Variants in DNAH2 observed in about 807,000 individuals in gnomAD.
The protein encoded by DNAH2 is dynein axonemal heavy chain 2.
In DNAH2, 323 loss-of-function variants were observed where a neutral mutation model predicts 523.5. That is an observed-to-expected ratio of 0.62 (90% CI 0.56 to 0.68). DNAH2 has a LOEUF of 0.68. DNAH2 is among the 30% of genes least tolerant of loss of function. The pLI, the probability that DNAH2 is intolerant of heterozygous loss-of-function variation, is 0.00. For missense variants in DNAH2, 4,907 were observed against 5,701.5 expected, an observed-to-expected ratio of 0.86 and a Z score of 4.49; for synonymous variants, 2,093 against 2,177.4, an observed-to-expected ratio of 0.96 and a Z score of 1.08.
At position 7,798,455 on chromosome 17, in the gene DNAH2, G is replaced by A. The variant is rs537764878; in HGVS notation, c.8399-103G>A. On this transcript the variant is annotated intron_variant, in intron 54 of 85. Coordinates refer to ENST00000572933, the MANE Select transcript of DNAH2 (RefSeq NM_020877.5). The surrounding 1 kb of genome is among the most constrained non-coding windows in gnomAD (Gnocchi z 5.5). ...CGTGTTGGGTGTAGGATGGTGTCGC[G>A]TGTATGCTGCGGGGCGGGGAGGGTT... 46 of 1,548,650 alleles carry A rather than the reference G, an allele frequency of 3.0e-5. No individual in the cohort carries two copies. The highest frequency in any genetic ancestry group is 2.5e-4 in the East Asian group (11 of 43,944).
chr17:7,821,370 G>C lies in DNAH2; in HGVS notation c.11142+1G>C, dbSNP rs1305708924. On this transcript the variant is annotated splice_donor_variant, in intron 73 of 85. Transcript: ENST00000572933. LOFTEE classifies it high-confidence loss of function. This position sits in a 1 kb window ranked among gnomAD's most constrained non-coding sequence, Gnocchi z 5.0. ...CAACTTCTTTCTACGTGGGGGTGTG[G>C]TGAGTTGGGCAGAGAGCACATCCCA... The C allele has an allele frequency of 8.7e-6, 14 of 1,612,426 alleles. No homozygotes were observed. The highest frequency in any genetic ancestry group is 1.2e-5 in the Non-Finnish European group (14 of 1,179,074).
Position 7,786,769 on chromosome 17 carries a change from A to C in DNAH2, c.6466+82A>C. The C allele has an allele frequency of 6.3e-7, 1 of 1,597,802 alleles. No individual in the cohort carries two copies. Among genetic ancestry groups the C allele is most frequent in the Non-Finnish European group, 8.6e-7 (1 of 1,168,350 alleles). ...GGGAGTCTGGGGATAGGAAGTTCCA[A>C]GTTGGGAGAGAAATGCCTGGGGAAT... On this transcript the variant is annotated intron_variant, in intron 41 of 85. Transcript: ENST00000572933. This position sits in a 1 kb window ranked among gnomAD's most constrained non-coding sequence, Gnocchi z 7.5.
rs1451868545 is a variant in DNAH2, at chr17:7,828,107, C to T, written c.11854-2193C>T. On this transcript the variant is annotated intron_variant, in intron 77 of 85. Transcript: ENST00000572933. This position sits in a 1 kb window ranked among gnomAD's most constrained non-coding sequence, Gnocchi z 4.1. Reference sequence around the variant, plus strand: ...TAATTTTTGTGTTTTTTTGTAGAGACTGGATTTCACCATGTTGGCCAGGCT... The same window carrying T: ...TAATTTTTGTGTTTTTTTGTAGAGATTGGATTTCACCATGTTGGCCAGGCT... Among the ~76,000 whole-genome samples the T allele has an allele frequency of 6.6e-6, 1 of 151,930 alleles. No homozygotes were observed. The highest frequency in any genetic ancestry group is 1.5e-5 in the Non-Finnish European group (1 of 68,010).
rs1458119493 is a variant in DNAH2, at chr17:7,799,043, G to T, written c.8560-60G>T. The T allele has an allele frequency of 1.9e-6, 3 of 1,592,228 alleles. No homozygotes were observed. The African/African-American group carries it at 4.0e-5, about 21-fold the overall frequency. On this transcript the variant is annotated intron_variant, in intron 55 of 85. Coordinates refer to ENST00000572933, the MANE Select transcript of DNAH2 (RefSeq NM_020877.5). ...CTTCGTCAGCCCCACCTGACCCGCT[G>T]CCCCCGCTGATTCTGCTATGGACAC...
At chr17:7,774,225 T>C (rs1336042195) in intron 28 of DNAH2, among the ~76,000 whole-genome samples, 1 of 152,134 alleles carries the variant, frequency 6.6e-6, no homozygotes, top group African/African-American at 2.4e-5. Flanking sequence ...GGCACTGCTG[T>C]GATGTCGCAA....
At position 7,817,719 on chromosome 17, in the gene DNAH2, C is replaced by CT. The variant is rs1555572882; in HGVS notation, c.10169+11dup. The CT allele has an allele frequency of 6.2e-7, 1 of 1,614,056 alleles. No homozygotes were observed. The highest frequency in any genetic ancestry group is 1.3e-5 in the African/African-American group (1 of 74,926). ...TCACCCGAGGCAACAGGTGAGGGTG[C>CT]TGCTGGGCGTGGGGGCGGTACGGGA... On this transcript the variant is annotated intron_variant, in intron 66 of 85. Coordinates refer to ENST00000572933, the MANE Select transcript of DNAH2 (RefSeq NM_020877.5).
chr17:7,810,423 C>G (rs1389484111), intron 63 of DNAH2, among the ~76,000 whole-genome samples: 1 of 152,080 alleles, frequency 6.6e-6, no homozygotes, highest in Non-Finnish European at 1.5e-5. Context: ...GAGTCTCGCT[C>G]TATCACCCAG....
chr17:7,771,976 A>G (rs1267428343), intron 28 of DNAH2, among the ~76,000 whole-genome samples: 2 of 152,166 alleles, frequency 1.3e-5, no homozygotes, highest in Non-Finnish European at 2.9e-5. Context: ...TCAGCCTCCC[A>G]AAGTTCTGGG....
chr17:7,776,009 C>G lies in DNAH2; in HGVS notation c.4822-15C>G. Reference sequence around the variant, plus strand: ...CCCTCAGGCTGAGCTGCCCTATTCTCCCACCTCCCCCCAGTCCTGGCTTGG... The same window carrying G: ...CCCTCAGGCTGAGCTGCCCTATTCTGCCACCTCCCCCCAGTCCTGGCTTGG... On this transcript the variant is annotated splice_polypyrimidine_tract_variant and intron_variant, in intron 30 of 85. Transcript: ENST00000572933. 13 of 1,613,474 alleles carry G rather than the reference C, an allele frequency of 8.1e-6. No homozygotes were observed. Among genetic ancestry groups the G allele is most frequent in the Non-Finnish European group, 1.1e-5 (13 of 1,179,532 alleles).
Position 7,824,574 on chromosome 17 carries a change from G to A in DNAH2, c.11700G>A (p.Leu3900=). 6.3e-7 allele frequency: 1 copy of A among 1,592,326 alleles called. No individual in the cohort carries two copies. The highest frequency in any genetic ancestry group is 1.1e-5 in the South Asian group (1 of 89,338). Residue 3900 remains leucine (L), a synonymous_variant, in exon 77 of 86, where the codon CTG becomes CTA. Transcript: ENST00000572933. ...TCCTGGCAAACTGCCACCTGTCACT[G>A]TCTTGGATGCCTAATCTGGACAAGC... ...WVFLANCHLS[L]SWMPNLDKLV...
chr17:7,792,149 G>T (rs916222095), intron 45 of DNAH2, 80 bp downstream of exon 45: 5 of 1,601,832 alleles, frequency 3.1e-6, no homozygotes, highest in Non-Finnish European at 4.3e-6. Context: ...CTCTGCTTGG[G>T]TTTCCCTCTC....
intron 61 of DNAH2, 76 bp downstream of exon 61, chr17:7,805,469 C>T: frequency 1.3e-6 from 2 of 1,594,224 alleles, no homozygotes; most frequent in Non-Finnish European, 8.5e-7. Flanking sequence ...AGCAGACACT[C>T]AGAAAGATAG....
intron 78 of DNAH2, 82 bp from the exon 79 acceptor site, chr17:7,830,576 C>T (rs1435048344): frequency 1.2e-6 from 2 of 1,606,068 alleles, no homozygotes; most frequent in East Asian, 2.2e-5. Flanking sequence ...TATCCGTGGA[C>T]ACAAAGCCTG....
At chr17:7,736,979 T>C in intron 7 of DNAH2, 88 bp from the exon 8 acceptor site, 2 of 1,157,822 alleles carry the variant, frequency 1.7e-6, no homozygotes, top group Non-Finnish European at 2.4e-6. Flanking sequence ...TAAAACTCCA[T>C]CTAAAATAAA....
chr17:7,818,623 G>GTT lies in DNAH2; in HGVS notation c.10537-19_10537-18insTT. ...GTCGAAGGAGTGACAGCCCCTCACTGTGAGTCCTGATGCCCCCAGGGCCTG... is the reference window on the plus strand; with the variant it reads ...GTCGAAGGAGTGACAGCCCCTCACTGTTTGAGTCCTGATGCCCCCAGGGCCTG... On this transcript the variant is annotated intron_variant, in intron 69 of 85. Coordinates refer to ENST00000572933, the MANE Select transcript of DNAH2 (RefSeq NM_020877.5). The GTT allele has an allele frequency of 6.2e-7, 1 of 1,613,432 alleles. No homozygotes were observed. Among genetic ancestry groups the GTT allele is most frequent in the Non-Finnish European group, 8.5e-7 (1 of 1,179,856 alleles).
intron 4 of DNAH2, among the ~76,000 whole-genome samples, chr17:7,731,956 G>A (rs2075000675): frequency 6.6e-6 from 1 of 151,266 alleles, no homozygotes; most frequent in East Asian, 1.9e-4. Context: ...TTGAACCCGG[G>A]AGGCGGAAGT....
In DNAH2 at chr17:7,754,779, C is replaced by T. The variant is rs974910190; in HGVS notation, c.1905-2312C>T. 4.8e-6 allele frequency: 4 copies of T among 836,478 alleles called. No homozygotes were observed. The highest frequency in any genetic ancestry group is 8.1e-6 in the Non-Finnish European group (4 of 493,026). The allele number at this position is 836,478 out of a possible 1,614,324, so 51.8% of individuals were successfully genotyped here. Reference sequence around the variant, plus strand: ...CAAGGCCAAGGATCAAACCAAGGCCCAGGCTGCAGCTCCAGCTTCAGTTTC... The same window carrying T: ...CAAGGCCAAGGATCAAACCAAGGCCTAGGCTGCAGCTCCAGCTTCAGTTTC... On this transcript the variant is annotated intron_variant, in intron 12 of 85. Coordinates refer to ENST00000572933, the MANE Select transcript of DNAH2 (RefSeq NM_020877.5). The surrounding 1 kb of genome is among the most constrained non-coding windows in gnomAD (Gnocchi z 4.6).
In DNAH2 at chr17:7,758,929, T is replaced by A; in HGVS notation, c.2253T>A (p.Ile751=). 6.2e-7 allele frequency: 1 copy of A among 1,614,174 alleles called. No homozygotes were observed. The highest frequency in any genetic ancestry group is 8.5e-7 in the Non-Finnish European group (1 of 1,180,030). Residue 751 remains isoleucine, a synonymous_variant, in exon 15 of 86, where the codon ATT becomes ATA. Coordinates refer to ENST00000572933, the MANE Select transcript of DNAH2 (RefSeq NM_020877.5). The stretch of plus-strand genomic sequence containing the variant: ...AGTTCAAGGCATCCACTCTGACCAT[T>A]GGCTGGCGAGCCCAAGAGATGTCAG... ...VNEFKASTLT[I]GWRAQEMSEK...
intron 49 of DNAH2, 104 bp downstream of exon 49, chr17:7,794,462 G>A: frequency 9.9e-7 from 1 of 1,005,272 alleles, no homozygotes; most frequent in Non-Finnish European, 1.4e-6. Flanking sequence ...GGCACCCCAA[G>A]TGGAGCTCCA....
Sources: gnomAD v4.1 joint callset for allele counts (sites outside exome capture counted in the v4.1 genomes callset) on GRCh38, gnomAD v4.1.1 for gene constraint, Gnocchi (gnomAD v3.1) non-coding constraint, MANE v1.5 for transcripts, NCBI Gene and HGNC (gene_info 2026-07-23, HGNC 2026-07-21) for gene names.